Variants in CCDC80 observed in about 807,000 individuals in gnomAD.
The protein encoded by CCDC80 is coiled-coil domain containing 80.
Under a neutral mutation model 78.7 loss-of-function variants are expected in CCDC80, and 49 were observed. The observed-to-expected ratio is 0.62, with a 90% confidence interval of 0.50 to 0.79. The LOEUF is 0.79. Ranked by LOEUF, CCDC80 falls within the 30% of genes least tolerant of loss-of-function variation. The pLI is 0.00. For synonymous variants in CCDC80, 488 were observed against 447.0 expected (o/e 1.09, Z -1.16); for missense variants, 1,205 against 1,198.6 (o/e 1.01, Z -0.08).
Position 112,597,065 on chromosome 3 carries a change from G to T in CCDC80, c.*8352C>A, listed in dbSNP as rs956124783. Reference sequence around the variant, plus strand: ...CTTACTTAATGTATTAGGCCAGTTGGAAACCATCATTAAAGAAACTGACCC... The same window carrying T: ...CTTACTTAATGTATTAGGCCAGTTGTAAACCATCATTAAAGAAACTGACCC... On this transcript the variant is annotated 3_prime_UTR_variant, in exon 8 of 8. Transcript: ENST00000206423. 1.3e-5 allele frequency: 2 copies of T among 152,058 alleles called. No individual in the cohort carries two copies. Among genetic ancestry groups the T allele is most frequent in the Non-Finnish European group, 2.9e-5 (2 of 68,014 alleles). The allele number at this position is 152,058 out of a possible 1,614,324, so 9.4% of individuals were successfully genotyped here.
At position 112,599,677 on chromosome 3, in the gene CCDC80, C is replaced by T. The variant is rs546407724; in HGVS notation, c.*5740G>A. ...ACCCTACTCTCGGGCTGCTTCCATC[C>T]TCCAGGCTTCTAGAAGTTGAGAAAG... On this transcript the variant is annotated 3_prime_UTR_variant, in exon 8 of 8. Coordinates refer to ENST00000206423, the MANE Select transcript of CCDC80 (RefSeq NM_199511.3). 1 of 152,434 alleles carries T rather than the reference C, an allele frequency of 6.6e-6. No individual in the cohort carries two copies. The highest frequency in any genetic ancestry group is 2.1e-4 in the South Asian group (1 of 4,826). 9.4% of individuals were successfully genotyped at this position (152,434 alleles called of 1,614,324 possible).
At chr3:112,605,903 G>T in intron 7 of CCDC80, 140 bp from the exon 8 acceptor site, 1 of 710,850 alleles carries the variant, frequency 1.4e-6, no homozygotes, top group Non-Finnish European at 2.3e-6. Context: ...AATTAAAGAA[G>T]TTTGCTGGGG....
Position 112,598,606 on chromosome 3 carries a change from T to C in CCDC80, c.*6811A>G, listed in dbSNP as rs954381363. The C allele has an allele frequency of 5.9e-5, 9 of 152,276 alleles. No homozygotes were observed. The highest frequency in any genetic ancestry group is 2.2e-4 in the African/African-American group (9 of 41,454). 9.4% of individuals were successfully genotyped at this position (152,276 alleles called of 1,614,324 possible). ...GGGAGGTGTAGGACCATTCTTTTTCTTTCTGGAAGGAAAGCACTGACATTT... is the reference window on the plus strand; with the variant it reads ...GGGAGGTGTAGGACCATTCTTTTTCCTTCTGGAAGGAAAGCACTGACATTT... On this transcript the variant is annotated 3_prime_UTR_variant, in exon 8 of 8. Transcript: ENST00000206423.
At chr3:112,640,029 G>A (rs1018418767) in intron 1 of CCDC80, 113 bp from the exon 2 acceptor site, 8 of 1,444,042 alleles carry the variant, frequency 5.5e-6, no homozygotes, top group East Asian at 5.0e-5. Context: ...GCCAAGGGGA[G>A]GGGAAAAGGT....
At chr3:112,633,754 A>G (rs1936148661) in intron 2 of CCDC80, among the ~76,000 whole-genome samples, 1 of 152,040 alleles carries the variant, frequency 6.6e-6, no homozygotes, top group Non-Finnish European at 1.5e-5. Context: ...CATTTCAGGG[A>G]CTCTTTCCCT....
rs115023358 is a variant in CCDC80, at chr3:112,640,669, C to G, written c.-354G>C. The G allele has an allele frequency of 0.013, 2,047 of 152,352 alleles. 11 individuals carry two copies. Among genetic ancestry groups the G allele is most frequent in the African/African-American group, 0.019 (779 of 41,544 alleles). The allele number at this position is 152,352 out of a possible 1,614,324, so 9.4% of individuals were successfully genotyped here. A position where few individuals can be genotyped will look rare whatever the true frequency, so the allele number is the denominator to read the frequency against. ...TCTCGTGTGTCTGTGTGTGCCAGTCCCTTGTGCTGACACAGGACGTCCCTT... is the reference window on the plus strand; with the variant it reads ...TCTCGTGTGTCTGTGTGTGCCAGTCGCTTGTGCTGACACAGGACGTCCCTT... On this transcript the variant is annotated 5_prime_UTR_variant, in exon 1 of 8. Coordinates refer to ENST00000206423, the MANE Select transcript of CCDC80 (RefSeq NM_199511.3).
At chr3:112,610,185 AG>A in intron 5 of CCDC80, 104 bp from the exon 6 acceptor site, 2 of 924,548 alleles carry the variant, frequency 2.2e-6, no homozygotes, top group Admixed American at 2.1e-5. Context: ...TTCTGTGCCC[AG>A]AAAAAAAAAA....
intron 3 of CCDC80, among the ~76,000 whole-genome samples, chr3:112,623,655 AAGAGCTACTGTCCCAG>A (rs1935911006): frequency 6.6e-6 from 1 of 152,192 alleles, no homozygotes; most frequent in African/African-American, 2.4e-5. Flanking sequence ...TCTAAAAACA[AAGAGCTACTGTCCCAG>A]AGGAGAAAAT....
rs1935413858 is a variant in CCDC80, at chr3:112,603,576, A to G, written c.*1841T>C. On this transcript the variant is annotated 3_prime_UTR_variant, in exon 8 of 8. Transcript: ENST00000206423. ...TTTTATATATGTATATAAAATATATATATAAATGATCAGTTCCAGACCACT... is the reference window on the plus strand; with the variant it reads ...TTTTATATATGTATATAAAATATATGTATAAATGATCAGTTCCAGACCACT... 6.8e-6 allele frequency: 1 copy of G among 147,126 alleles called. No individual in the cohort carries two copies. Among genetic ancestry groups the G allele is most frequent in the African/African-American group, 2.5e-5 (1 of 40,360 alleles). 9.1% of individuals were successfully genotyped at this position (147,126 alleles called of 1,614,324 possible). A position where few individuals can be genotyped will look rare whatever the true frequency, so the allele number is the denominator to read the frequency against.
chr3:112,640,775 ATAGTCTGGCT>A lies in CCDC80; in HGVS notation c.-470_-461del, dbSNP rs1039682926. The A allele has an allele frequency of 3.3e-5, 5 of 151,930 alleles. No homozygotes were observed. Among genetic ancestry groups the A allele is most frequent in the African/African-American group, 1.2e-4 (5 of 41,324 alleles). The allele number at this position is 151,930 out of a possible 1,614,324, so 9.4% of individuals were successfully genotyped here. A position where few individuals can be genotyped will look rare whatever the true frequency, so the allele number is the denominator to read the frequency against. On this transcript the variant is annotated 5_prime_UTR_variant, in exon 1 of 8. In the 5' UTR this introduces an upstream ATG that the reference lacks. Transcript: ENST00000206423. ...GATCCTTCTTATCTCCCTTTCCCCC[ATAGTCTGGCT>A]TAGTCTCTTTGTTTCCGGGCGTAAA...
chr3:112,597,062 T>C lies in CCDC80; in HGVS notation c.*8355A>G, dbSNP rs1400386944. The stretch of plus-strand genomic sequence containing the variant: ...AGTCTTACTTAATGTATTAGGCCAG[T>C]TGGAAACCATCATTAAAGAAACTGA... On this transcript the variant is annotated 3_prime_UTR_variant, in exon 8 of 8. Transcript: ENST00000206423. The C allele has an allele frequency of 6.6e-6, 1 of 152,172 alleles. No homozygotes were observed. Among genetic ancestry groups the C allele is most frequent in the Admixed American group, 6.6e-5 (1 of 15,256 alleles). The allele number at this position is 152,172 out of a possible 1,614,324, so 9.4% of individuals were successfully genotyped here.
At chr3:112,609,057 T>G (rs1362820469) in intron 6 of CCDC80, among the ~76,000 whole-genome samples, 1 of 152,160 alleles carries the variant, frequency 6.6e-6, no homozygotes, top group African/African-American at 2.4e-5. Flanking sequence ...TAATGGAGAA[T>G]TTTTTAATTT....
rs962939869 is a variant in CCDC80 at position 112,602,519 on chromosome 3, G to C, written c.*2898C>G. The C allele has an allele frequency of 3.9e-5, 6 of 152,188 alleles. No individual in the cohort carries two copies. The highest frequency in any genetic ancestry group is 7.3e-5 in the Non-Finnish European group (5 of 68,034). 9.4% of individuals were successfully genotyped at this position (152,188 alleles called of 1,614,324 possible). A position where few individuals can be genotyped will look rare whatever the true frequency, so the allele number is the denominator to read the frequency against. On this transcript the variant is annotated 3_prime_UTR_variant, in exon 8 of 8. Coordinates refer to ENST00000206423, the MANE Select transcript of CCDC80 (RefSeq NM_199511.3). Reference sequence around the variant, plus strand: ...AAATGCAAAGGAAAAGTTCTTGAAGGAAATTAAAAGTGCTACTTTGTGAAT... The same window carrying C: ...AAATGCAAAGGAAAAGTTCTTGAAGCAAATTAAAAGTGCTACTTTGTGAAT...
intron 6 of CCDC80, among the ~76,000 whole-genome samples, chr3:112,608,954 C>T (rs1296832724): frequency 6.6e-6 from 1 of 152,154 alleles, no homozygotes; most frequent in Non-Finnish European, 1.5e-5. Context: ...ACCCTCCTCC[C>T]TTTTAAAAAA....
At chr3:112,614,810 G>A (rs1309666500) in intron 5 of CCDC80, among the ~76,000 whole-genome samples, 1 of 152,192 alleles carries the variant, frequency 6.6e-6, no homozygotes, top group African/African-American at 2.4e-5. Flanking sequence ...TAGATTTGGG[G>A]AGTCAGATTG....
rs755069373 is a variant in CCDC80 at position 112,607,182 on chromosome 3, T to C, written c.2500A>G (p.Ile834Val). 8.1e-6 allele frequency: 13 copies of C among 1,610,990 alleles called. No homozygotes were observed. Among genetic ancestry groups the C allele is most frequent in the African/African-American group, 5.3e-5 (4 of 74,786 alleles). Residue 834 changes from isoleucine to valine, a missense_variant, in exon 7 of 8, where the codon ATT becomes GTT. Physicochemically the swap from Ile to Val is conservative, Grantham distance 29 (BLOSUM62 3). Coordinates refer to ENST00000206423, the MANE Select transcript of CCDC80 (RefSeq NM_199511.3). ...EVGGVLELFP[I>V]NGSSVVERED... The stretch of plus-strand genomic sequence containing the variant: ...CAAGATAACAACACATTACCATTAA[T>C]TGGGAACAGTTCTAACACTCCCCCA...
chr3:112,605,761 T>G lies in CCDC80; in HGVS notation c.2509A>C (p.Ser837Arg). The G allele has an allele frequency of 6.2e-7, 1 of 1,611,120 alleles. No homozygotes were observed. Among genetic ancestry groups the G allele is most frequent in the Non-Finnish European group, 8.5e-7 (1 of 1,177,960 alleles). ...GVLELFPING[S>R]SVVEREDVPA... ...ACGTCTTCTCGCTCAACAACAGAGC[T>G]CCCTAGAATAACATTGGAATAGTTA... The change falls in exon 8 of 8, where the codon AGC (serine) becomes CGC (arginine). Residue 837 changes from serine to arginine, a missense_variant and splice_region_variant. Physicochemically the swap from Ser to Arg is moderately radical, Grantham distance 110. Coordinates refer to ENST00000206423, the MANE Select transcript of CCDC80 (RefSeq NM_199511.3).
Position 112,611,341 on chromosome 3 carries a change from G to A in CCDC80, c.2322-1260C>T, listed in dbSNP as rs758080000. On this transcript the variant is annotated intron_variant, in intron 5 of 7. Transcript: ENST00000206423. ...GATATAGAGGATTATGTCTTAATCT[G>A]CAGGCTTCTGGGTGTAGAACTTTAT... Among the ~76,000 whole-genome samples, 49 of 152,324 alleles carry A rather than the reference G, an allele frequency of 3.2e-4. 1 individual carries two copies. Among genetic ancestry groups the A allele is most frequent in the Non-Finnish European group, 5.7e-4 (39 of 68,026 alleles).
intron 2 of CCDC80, 76 bp from the exon 3 acceptor site, chr3:112,630,345 T>A (rs1327296793): frequency 7.0e-7 from 1 of 1,418,522 alleles, no homozygotes; most frequent in Non-Finnish European, 9.9e-7. Context: ...AAAGAGATGA[T>A]TTGGAAGAGA....
Sources: allele counts gnomAD v4.1 joint callset (sites outside exome capture counted in the v4.1 genomes callset), GRCh38; gene constraint gnomAD v4.1.1; transcripts MANE v1.5; gene names NCBI Gene and HGNC (gene_info 2026-07-23, HGNC 2026-07-21).